The following URB2 variants were observed in gnomAD, a reference collection of about 807,000 sequenced individuals.
The protein encoded by URB2 is unhealthy ribosome biogenesis protein 2 homolog.
URB2 carries 86 observed loss-of-function variants against 120.9 expected under a neutral mutation model. The observed-to-expected ratio is 0.71, with a 90% CI of 0.60 to 0.85. The LOEUF is 0.85. Among genes scored for constraint, URB2 ranks in the 40% least tolerant of loss-of-function variants. URB2 has a pLI of 0.00. For missense variants in URB2, 1,765 were observed against 1,836.5 expected (o/e 0.96, Z 0.71); for synonymous variants, 755 against 758.4 (o/e 1.00, Z 0.07).
intron 9 of URB2, 60 bp from the exon 10 acceptor site, chr1:229,659,040 G>T (rs1666462857): frequency 1.3e-6 from 2 of 1,544,778 alleles, no homozygotes; most frequent in African/African-American, 1.4e-5. Flanking sequence ...ATTGTTGGCA[G>T]GTGGTGCGGC....
chr1:229,627,793 C>T, intron 2 of URB2, 34 bp downstream of exon 2: 1 of 1,584,010 alleles, frequency 6.3e-7, no homozygotes. Flanking sequence ...TTTTTACAGT[C>T]TGTCAAGATA....
chr1:229,657,405 TG>T (rs1176942449), intron 9 of URB2, among the ~76,000 whole-genome samples: 1 of 152,240 alleles, frequency 6.6e-6, no homozygotes, highest in Non-Finnish European at 1.5e-5. Flanking sequence ...GCATGGGCTC[TG>T]GGCTCAGACT....
At chr1:229,655,275 C>T (rs549618234) in intron 9 of URB2, among the ~76,000 whole-genome samples, 1 of 152,202 alleles carries the variant, frequency 6.6e-6, no homozygotes, top group East Asian at 1.9e-4. Flanking sequence ...GCTCTTTCTC[C>T]CAGGCTGGAG....
chr1:229,651,396 C>T, intron 8 of URB2, 74 bp downstream of exon 8: 2 of 1,304,602 alleles, frequency 1.5e-6, no homozygotes. Flanking sequence ...ACATATGTTA[C>T]TGAAAATAAA....
intron 5 of URB2, among the ~76,000 whole-genome samples, chr1:229,645,149 G>C (rs1299231201): frequency 6.6e-6 from 1 of 152,026 alleles, no homozygotes; most frequent in Non-Finnish European, 1.5e-5. Context: ...GCTGGGCCTG[G>C]TGGTGGGTGG....
At chr1:229,632,145 G>C (rs952722751) in intron 2 of URB2, 124 bp from the exon 3 acceptor site, 1 of 671,750 alleles carries the variant, frequency 1.5e-6, no homozygotes, top group Non-Finnish European at 2.3e-6. Flanking sequence ...TTGTAAAAGA[G>C]AGGTTCTCCC....
intron 9 of URB2, 98 bp downstream of exon 9, chr1:229,654,486 G>A: frequency 6.5e-7 from 1 of 1,543,364 alleles, no homozygotes; most frequent in Non-Finnish European, 8.8e-7. Context: ...GGATCTGACA[G>A]TTCTCTGTTG....
intron 5 of URB2, among the ~76,000 whole-genome samples, chr1:229,645,464 C>T (rs943029703): frequency 6.6e-6 from 1 of 152,094 alleles, no homozygotes; most frequent in African/African-American, 2.4e-5. Flanking sequence ...TATCTGTAAG[C>T]GTGCATCGTT....
intron 5 of URB2, among the ~76,000 whole-genome samples, chr1:229,644,351 T>C (rs1048549812): frequency 2.6e-5 from 4 of 152,220 alleles, no homozygotes; most frequent in African/African-American, 9.7e-5. Context: ...CTCCTGGTCA[T>C]ATACAGCACA....
At chr1:229,634,643 T>TA (rs1165535694) in intron 3 of URB2, among the ~76,000 whole-genome samples, 4 of 152,106 alleles carry the variant, frequency 2.6e-5, no homozygotes, top group Admixed American at 6.5e-5. Context: ...AACCCAGCTT[T>TA]AAAAAAAGGG....
intron 9 of URB2, among the ~76,000 whole-genome samples, chr1:229,655,825 T>C (rs1360708658): frequency 6.6e-6 from 1 of 152,192 alleles, no homozygotes; most frequent in Non-Finnish European, 1.5e-5. Flanking sequence ...CTTGTTAGGG[T>C]AGAGGTGTCA....
rs1306687673 is a variant in URB2 at position 229,659,727 on chromosome 1, A to G, written c.*430A>G. ...TACTTGCCTTTCAAATTCTTCAAGT[A>G]ACATGGGAAGTATTCTTGAAATGTC... On this transcript the variant is annotated 3_prime_UTR_variant, in exon 10 of 10. Coordinates refer to ENST00000258243, the MANE Select transcript of URB2 (RefSeq NM_014777.4). 6.5e-6 allele frequency: 1 copy of G among 154,142 alleles called. No individual in the cohort carries two copies. Among genetic ancestry groups the G allele is most frequent in the Admixed American group, 6.4e-5 (1 of 15,604 alleles). The allele number at this position is 154,142 out of a possible 1,614,324, so 9.5% of individuals were successfully genotyped here. A position where few individuals can be genotyped will look rare whatever the true frequency, so the allele number is the denominator to read the frequency against.
chr1:229,647,594 C>A lies in URB2; in HGVS notation c.3991C>A (p.Arg1331=). Residue 1331 remains arginine (R), a synonymous_variant, in exon 7 of 10, where the codon CGG becomes AGG. Coordinates refer to ENST00000258243, the MANE Select transcript of URB2 (RefSeq NM_014777.4). ...CTTAGATGTCCTGGCTGCACTGCTG[C>A]GGCAGGGGGAGGAGGCCATCGGCAA... ...PVLDVLAALL[R]QGEEAIGNPH... is the part of the protein sequence containing the mutation. 1.2e-6 allele frequency: 2 copies of A among 1,614,216 alleles called. No individual in the cohort carries two copies. The highest frequency in any genetic ancestry group is 1.7e-6 in the Non-Finnish European group (2 of 1,180,056).
chr1:229,638,080 G>T lies in URB2; in HGVS notation c.3467G>T (p.Gly1156Val), dbSNP rs765611287. ...CTCTCCCATGTTGCCCTCTACCAGG[G>T]TGTTTACTCTCAGATACTGTTGGAG... is the stretch of plus-strand genomic sequence containing the variant. The part of the protein sequence containing the change: ...TLLSHVALYQ[G>V]VYSQILLELP... The change falls in exon 4 of 10, where the codon GGT becomes GTT. Residue 1156 changes from glycine to valine, a missense_variant. Gly to Val is a moderately radical substitution (Grantham distance 109, BLOSUM62 -3). Coordinates refer to ENST00000258243, the MANE Select transcript of URB2 (RefSeq NM_014777.4). 4 of 1,614,106 alleles carry T rather than the reference G, an allele frequency of 2.5e-6. No individual in the cohort carries two copies. The highest frequency in any genetic ancestry group is 1.7e-5 in the Admixed American group (1 of 60,008).
chr1:229,627,907 A>G, intron 2 of URB2, 148 bp downstream of exon 2: 1 of 1,058,138 alleles, frequency 9.5e-7, no homozygotes, highest in Non-Finnish European at 1.3e-6. Flanking sequence ...ATGTCAATGA[A>G]AAAAGTAATG....
At chr1:229,651,610 G>C (rs78485506) in intron 8 of URB2, among the ~76,000 whole-genome samples, 1,830 of 152,240 alleles carry the variant, frequency 0.012, 30 homozygotes, top group African/African-American at 0.042. Flanking sequence ...ATGTAAAGGG[G>C]ATATAAAAAT....
intron 6 of URB2, 127 bp from the exon 7 acceptor site, chr1:229,647,383 C>T: frequency 8.5e-7 from 1 of 1,177,924 alleles, no homozygotes; most frequent in Non-Finnish European, 1.2e-6. Flanking sequence ...TATTTAACGG[C>T]CCACGGACCA....
At position 229,637,240 on chromosome 1, in the gene URB2, C is replaced by T; in HGVS notation, c.2627C>T (p.Ser876Phe). 6.2e-7 allele frequency: 1 copy of T among 1,613,846 alleles called. No homozygotes were observed. The highest frequency in any genetic ancestry group is 1.3e-5 in the African/African-American group (1 of 75,040). ...GGAGAAATTGCCCAGAACTTACTGT[C>T]CCTGGTCAAGAGTGACTTCCCTATC... ...PRGEIAQNLL[S>F]LVKSDFPIQL... The change falls in exon 4 of 10, where the codon TCC (serine) becomes TTC (phenylalanine). Residue 876 changes from serine (S) to phenylalanine (F), a missense_variant. Physicochemically the swap from Ser to Phe is radical, Grantham distance 155 (BLOSUM62 -2). Coordinates refer to ENST00000258243, the MANE Select transcript of URB2 (RefSeq NM_014777.4).
In URB2 at chr1:229,638,139, C is replaced by T. The variant is rs1458581018; in HGVS notation, c.3526C>T (p.Gln1176Ter). 1.2e-6 allele frequency: 2 copies of T among 1,614,116 alleles called. No individual in the cohort carries two copies. Among genetic ancestry groups the T allele is most frequent in the African/African-American group, 2.7e-5 (2 of 74,946 alleles). Residue 1176 changes from glutamine (Q) to a stop codon, truncating the protein, a stop_gained, in exon 4 of 10, where the codon CAG (glutamine) becomes TAG (stop). Transcript: ENST00000258243. LOFTEE classifies it high-confidence loss of function. ...PALAGHDQSFQAALQFLTLFF... is the reference protein window; with the variant it reads ...PALAGHDQSF ...TCTCGCGGGACATGATCAGTCTTTT[C>T]AGGCAGCCTTGCAGTTTTTGACTCT...
Sources: allele counts gnomAD v4.1 joint callset (sites outside exome capture counted in the v4.1 genomes callset), GRCh38; gene constraint gnomAD v4.1.1; transcripts MANE v1.5; gene names NCBI Gene and HGNC (gene_info 2026-07-23, HGNC 2026-07-21).